CEBPZOS: variants seen among roughly 807,000 people sequenced by gnomAD.
The protein encoded by CEBPZOS is CEBPZ opposite strand.
A neutral mutation model predicts 4.8 loss-of-function variants in CEBPZOS; 10 were observed. That is an observed-to-expected ratio of 2.07 (90% CI 1.28 to 3.52). CEBPZOS has a LOEUF of 3.52. Ranked by LOEUF, CEBPZOS falls within the 30% of genes most tolerant of loss-of-function variation. CEBPZOS has a pLI of 0.00. For synonymous variants in CEBPZOS, 25 were observed against 14.2 expected (o/e 1.77, Z -1.72); for missense variants, 98 against 43.6 (o/e 2.25, Z -3.51).
At chr2:37,209,578 T>C (rs1181829882), downstream of CEBPZOS, 2 of 152,220 alleles carry the variant, frequency 1.3e-5, no homozygotes. Flanking sequence ...CTGGGATAAC[T>C]GGCAAGCCAC....
rs1677266399 is a variant in CEBPZOS at position 37,201,958 on chromosome 2, T to G, written c.*98T>G. ...CTACCACACTGTAGACTCTTGGTGGTCCCACAGAACATGCTGCTGAGTCAC... is the reference window on the plus strand; with the variant it reads ...CTACCACACTGTAGACTCTTGGTGGGCCCACAGAACATGCTGCTGAGTCAC... On this transcript the variant is annotated 3_prime_UTR_variant, in exon 5 of 5. Coordinates refer to ENST00000402297, the MANE Select transcript of CEBPZOS (RefSeq NM_001322374.2). 6.5e-7 allele frequency: 1 copy of G among 1,538,552 alleles called. No homozygotes were observed. Among genetic ancestry groups the G allele is most frequent in the African/African-American group, 1.4e-5 (1 of 72,318 alleles).
At chr2:37,211,267 C>T in intron 4 of CEBPZOS, 1 of 432,072 alleles carries the variant, frequency 2.3e-6, no homozygotes, top group Non-Finnish European at 4.1e-6. Flanking sequence ...AGAATTGGCA[C>T]AGTTCTAATA....
chr2:37,199,057 G>C (rs1485064589), intron 1 of CEBPZOS, among the ~76,000 whole-genome samples: 1 of 152,178 alleles, frequency 6.6e-6, no homozygotes, highest in African/African-American at 2.4e-5. Flanking sequence ...GGGAGGCTGA[G>C]GTGGGAGGAT....
rs1449423242 is a variant in CEBPZOS, at chr2:37,204,078, T to A, written c.*2218T>A. The A allele has an allele frequency of 1.3e-5, 2 of 150,852 alleles. No homozygotes were observed. The highest frequency in any genetic ancestry group is 5.0e-5 in the African/African-American group (2 of 40,160). 9.3% of individuals were successfully genotyped at this position (150,852 alleles called of 1,614,324 possible). Reference sequence around the variant, plus strand: ...TTGATTTTTATTAAGGTGATATGTATGTTACTTAACAGCTGTATAATACAC... The same window carrying A: ...TTGATTTTTATTAAGGTGATATGTAAGTTACTTAACAGCTGTATAATACAC... On this transcript the variant is annotated 3_prime_UTR_variant, in exon 5 of 5. Coordinates refer to ENST00000402297, the MANE Select transcript of CEBPZOS (RefSeq NM_001322374.2).
At chr2:37,200,350 CAG>C (rs1356740040) in intron 2 of CEBPZOS, among the ~76,000 whole-genome samples, 2 of 152,100 alleles carry the variant, frequency 1.3e-5, no homozygotes, top group South Asian at 2.1e-4. Context: ...TTCCCTAAAA[CAG>C]GGAATAGACC....
chr2:37,209,904 G>A (rs1677664813), intron 4 of CEBPZOS: 1 of 152,110 alleles, frequency 6.6e-6, no homozygotes, highest in Non-Finnish European at 1.5e-5. Flanking sequence ...CTAATGTCCA[G>A]AATCTATAAG....
chr2:37,210,852 T>A, intron 4 of CEBPZOS: 1 of 489,962 alleles, frequency 2.0e-6, no homozygotes. Context: ...ATGTGGAAAA[T>A]AATTTCCACT....
rs1677418875 is a variant in CEBPZOS, at chr2:37,204,038, C to T, written c.*2178C>T. ...AGAGCCACTTTTGATAAAATAGTTT[C>T]TAAAACATTTCATCTTGATTTTTAT... On this transcript the variant is annotated 3_prime_UTR_variant, in exon 5 of 5. Coordinates refer to ENST00000402297, the MANE Select transcript of CEBPZOS (RefSeq NM_001322374.2). 6.6e-6 allele frequency: 1 copy of T among 152,150 alleles called. No homozygotes were observed. Among genetic ancestry groups the T allele is most frequent in the African/African-American group, 2.4e-5 (1 of 41,428 alleles). 9.4% of individuals were successfully genotyped at this position (152,150 alleles called of 1,614,324 possible).
intron 4 of CEBPZOS, chr2:37,212,339 C>A: frequency 6.2e-7 from 1 of 1,613,224 alleles, no homozygotes; most frequent in South Asian, 1.1e-5. Flanking sequence ...TGTTACCCAG[C>A]AAAATCCATA....
rs1400186617 is a variant in CEBPZOS, at chr2:37,204,700, T to A, written c.*2840T>A. 1 of 152,214 alleles carries A rather than the reference T, an allele frequency of 6.6e-6. No individual in the cohort carries two copies. Among genetic ancestry groups the A allele is most frequent in the Non-Finnish European group, 1.5e-5 (1 of 68,030 alleles). The allele number at this position is 152,214 out of a possible 1,614,324, so 9.4% of individuals were successfully genotyped here. A position where few individuals can be genotyped will look rare whatever the true frequency, so the allele number is the denominator to read the frequency against. The stretch of plus-strand genomic sequence containing the variant: ...CTGTAAATGTAGGGTGATCAATTAG[T>A]AAATTAATAAATCTGAATCAATTAA... On this transcript the variant is annotated 3_prime_UTR_variant, in exon 5 of 5. Coordinates refer to ENST00000402297, the MANE Select transcript of CEBPZOS (RefSeq NM_001322374.2).
At chr2:37,211,471 G>A in intron 4 of CEBPZOS, 1 of 231,072 alleles carries the variant, frequency 4.3e-6, no homozygotes, top group Non-Finnish European at 8.3e-6. Context: ...GGTGTTCCTT[G>A]CTAATTTACA....
chr2:37,211,107 T>C, intron 4 of CEBPZOS: 3 of 1,510,970 alleles, frequency 2.0e-6, no homozygotes, highest in East Asian at 2.3e-5. Context: ...AATTTGCTAA[T>C]AAGCAATTTA....
At position 37,203,182 on chromosome 2, in the gene CEBPZOS, A is replaced by G. The variant is rs1677364880; in HGVS notation, c.*1322A>G. 1 of 449,962 alleles carries G rather than the reference A, an allele frequency of 2.2e-6. No homozygotes were observed. Among genetic ancestry groups the G allele is most frequent in the Admixed American group, 4.1e-5 (1 of 24,158 alleles). The allele number at this position is 449,962 out of a possible 1,614,324, so 27.9% of individuals were successfully genotyped here. ...TATAATTTAAGAGTTAGTATATAAT[A>G]TTTTCAAAAAGCTAACAACATCCTA... On this transcript the variant is annotated 3_prime_UTR_variant, in exon 5 of 5. Transcript: ENST00000402297.
chr2:37,210,147 G>A (rs942008869), intron 4 of CEBPZOS: 4 of 152,208 alleles, frequency 2.6e-5, no homozygotes, highest in African/African-American at 9.6e-5. Context: ...CATGGATGTG[G>A]TAATAAGGGA....
In CEBPZOS at chr2:37,199,825, C is replaced by G. The variant is rs760667668; in HGVS notation, c.115+6C>G. On this transcript the variant is annotated splice_donor_region_variant and intron_variant, in intron 2 of 4. Transcript: ENST00000402297. ...CAAGATGCACACAAGCCAAGGTAAT[C>G]ATAATTCAGAAGTTAATGCTTTCTA... 7.0e-6 allele frequency: 5 copies of G among 717,060 alleles called. No homozygotes were observed. In the South Asian group the frequency reaches 7.4e-5, roughly 11 times the overall value. 44.4% of individuals were successfully genotyped at this position (717,060 alleles called of 1,614,324 possible).
rs56340587 is a variant in CEBPZOS, at chr2:37,202,644, C to CAAAAAAAAAAAAAAAAAAAAAAAAAA, written c.*807_*832dup. The CAAAAAAAAAAAAAAAAAAAAAAAAAA allele has an allele frequency of 5.2e-6, 1 of 192,896 alleles. No homozygotes were observed. The highest frequency in any genetic ancestry group is 8.5e-6 in the Non-Finnish European group (1 of 117,378). 11.9% of individuals were successfully genotyped at this position (192,896 alleles called of 1,614,324 possible). On this transcript the variant is annotated 3_prime_UTR_variant, in exon 5 of 5. Transcript: ENST00000402297. ...TGGGCAAGGGAGTGAGACGCTGTCT[C>CAAAAAAAAAAAAAAAAAAAAAAAAAA]AAAAAAAAAAAAAAAAAAAAAAAAA...
intron 4 of CEBPZOS, among the ~76,000 whole-genome samples, chr2:37,212,867 C>CAAAAAAA (rs749522819): frequency 8.5e-6 from 1 of 117,252 alleles, no homozygotes; most frequent in Non-Finnish European, 1.8e-5. Context: ...ACAACAACAA[C>CAAAAAAA]AAAAAAAAAA....
chr2:37,197,336 T>G (rs1157217435), intron 1 of CEBPZOS: 1 of 152,272 alleles, frequency 6.6e-6, no homozygotes, highest in Admixed American at 6.5e-5. Flanking sequence ...AAAACGTATA[T>G]GTATTTTTAA....
At chr2:37,215,412 GAAAT>G (rs1431655679), downstream of CEBPZOS, 1 of 152,402 alleles carries the variant, frequency 6.6e-6, no homozygotes, top group East Asian at 1.9e-4. Context: ...GGAAAACTAA[GAAAT>G]AAGGAACTAC....
Sources: gnomAD v4.1 joint callset for allele counts (sites outside exome capture counted in the v4.1 genomes callset) on GRCh38, gnomAD v4.1.1 for gene constraint, MANE v1.5 for transcripts, NCBI Gene and HGNC (gene_info 2026-07-23, HGNC 2026-07-21) for gene names.